Variants in GREB1L observed in about 807,000 individuals in gnomAD.
The protein encoded by GREB1L is GREB1-like protein.
Under a neutral mutation model 200.8 loss-of-function variants are expected in GREB1L, and 17 were observed. The ratio of observed to expected loss-of-function variants is 0.08; its 90% CI spans 0.06 to 0.13. The LOEUF (loss-of-function observed/expected upper bound fraction) is 0.13. Among genes scored for constraint, GREB1L ranks in the 10% least tolerant of loss-of-function variants. The pLI, the probability that GREB1L is intolerant of heterozygous loss-of-function variation, is 1.00. For missense variants in GREB1L, 1,657 were observed against 2,367.7 expected (o/e 0.70, Z 6.23); for synonymous variants, 789 against 893.0 (o/e 0.88, Z 2.08).
chr18:21,271,399 C>T (rs1035434124), intron 1 of GREB1L, among the ~76,000 whole-genome samples: 4 of 151,730 alleles, frequency 2.6e-5, no homozygotes, highest in African/African-American at 9.7e-5. Context: ...GTAATCCCAG[C>T]GCGTTGAGAG....
intron 1 of GREB1L, among the ~76,000 whole-genome samples, chr18:21,336,206 T>G (rs1403234213): frequency 6.6e-6 from 1 of 152,154 alleles, no homozygotes; most frequent in East Asian, 1.9e-4. Flanking sequence ...GAAAAGCCAT[T>G]CCCTGAGTAG....
Position 21,385,768 on chromosome 18 carries a change from G to T in GREB1L, c.355+1365G>T, listed in dbSNP as rs143505628. 3.0e-4 allele frequency among the ~76,000 whole-genome samples: 45 copies of T among 152,294 alleles called. No individual in the cohort carries two copies. The East Asian group carries it at 8.1e-3, about 27-fold the overall frequency. On this transcript the variant is annotated intron_variant, in intron 4 of 32. Coordinates refer to ENST00000424526, the MANE Select transcript of GREB1L (RefSeq NM_001142966.3). ...AAGGTGAAATAGTGCTTAAAACGTT[G>T]TTGGATTCCCATTGAGAATCTTGTT... is the stretch of plus-strand genomic sequence containing the variant.
At chr18:21,313,161 T>TAAAATATTAAAAAATATTAAATATTTTTA (rs2038818109) in intron 1 of GREB1L, among the ~76,000 whole-genome samples, 2 of 151,408 alleles carry the variant, frequency 1.3e-5, no homozygotes, top group African/African-American at 2.4e-5. Flanking sequence ...TAATATTTTT[T>TAAAATATTAAAAAATATTAAATATTTTTA]AAAATATTAA....
chr18:21,280,489 G>A (rs1567920357), intron 1 of GREB1L, among the ~76,000 whole-genome samples: 1 of 151,548 alleles, frequency 6.6e-6, no homozygotes, highest in African/African-American at 2.4e-5. Context: ...TCTAGTTTGG[G>A]CAATTATAAA....
At chr18:21,271,974 G>T (rs1187747601) in intron 1 of GREB1L, among the ~76,000 whole-genome samples, 1 of 152,144 alleles carries the variant, frequency 6.6e-6, no homozygotes, top group Non-Finnish European at 1.5e-5. Flanking sequence ...AACAAAACTG[G>T]AGTCCTGTTA....
intron 1 of GREB1L, among the ~76,000 whole-genome samples, chr18:21,356,768 G>A (rs1422427098): frequency 7.9e-5 from 12 of 152,268 alleles, no homozygotes; most frequent in South Asian, 2.1e-4. Flanking sequence ...TGTAATGGCT[G>A]TACCAATTTA....
intron 31 of GREB1L, 139 bp from the exon 32 acceptor site, chr18:21,520,549 A>C (rs781535450): frequency 1.2e-4 from 106 of 900,998 alleles, no homozygotes; most frequent in Non-Finnish European, 1.7e-4. Context: ...CAAGCCATTT[A>C]AGTTAATATT....
rs2037426548 is a variant in GREB1L, at chr18:21,516,596, T to C, written c.5130-17T>C. On this transcript the variant is annotated splice_polypyrimidine_tract_variant and intron_variant, in intron 29 of 32. Coordinates refer to ENST00000424526, the MANE Select transcript of GREB1L (RefSeq NM_001142966.3). The stretch of plus-strand genomic sequence containing the variant: ...ATATGCCAGCGGAAGAAAACTATTG[T>C]TGTGGTTACAATTTAGGTATTTCTG... 1.3e-6 allele frequency: 2 copies of C among 1,550,408 alleles called. No individual in the cohort carries two copies.
chr18:21,391,958 T>A (rs1385620727), intron 4 of GREB1L, among the ~76,000 whole-genome samples: 1 of 152,130 alleles, frequency 6.6e-6, no homozygotes, highest in Admixed American at 6.5e-5. Flanking sequence ...TACAGGTCCA[T>A]GCCACCACCC....
intron 1 of GREB1L, among the ~76,000 whole-genome samples, chr18:21,252,261 T>C (rs1039404047): frequency 6.6e-6 from 1 of 152,062 alleles, no homozygotes; most frequent in Admixed American, 6.6e-5. Flanking sequence ...AACATTTGTT[T>C]TGAAAGTTAT....
intron 1 of GREB1L, among the ~76,000 whole-genome samples, chr18:21,281,132 G>A (rs1395347938): frequency 2.0e-5 from 3 of 152,236 alleles, no homozygotes; most frequent in African/African-American, 7.2e-5. Flanking sequence ...GGTATCTGGG[G>A]ATTGATCTGA....
chr18:21,490,633 A>C (rs750040303), intron 19 of GREB1L, among the ~76,000 whole-genome samples: 2 of 152,090 alleles, frequency 1.3e-5, no homozygotes, highest in African/African-American at 2.4e-5. Flanking sequence ...CCCCATGTTT[A>C]TTGGCCTTGT....
intron 7 of GREB1L, among the ~76,000 whole-genome samples, chr18:21,411,841 C>A (rs1205436663): frequency 6.6e-6 from 1 of 150,776 alleles, no homozygotes; most frequent in Non-Finnish European, 1.5e-5. Context: ...GTCAGGAGAT[C>A]GAGACCATCC....
intron 2 of GREB1L, among the ~76,000 whole-genome samples, chr18:21,376,306 A>T (rs1478583952): frequency 2.0e-5 from 3 of 151,018 alleles, no homozygotes; most frequent in Non-Finnish European, 4.4e-5. Context: ...TTTAGTAGAG[A>T]CGGGGTTTTG....
chr18:21,508,388 A>C lies in GREB1L; in HGVS notation c.4532A>C (p.Asn1511Thr). 1 of 1,551,510 alleles carries C rather than the reference A, an allele frequency of 6.4e-7. No homozygotes were observed. Among genetic ancestry groups the C allele is most frequent in the Non-Finnish European group, 8.7e-7 (1 of 1,146,890 alleles). ...SMRLPLVSDKNLNAVKSPIFT... is the reference protein window; with the variant it reads ...SMRLPLVSDKTLNAVKSPIFT... ...GTCTGTTTTTTTCCCTTTCAGCAGA[A>C]TTTGAATGCAGTCAAGAGCCCTATT... Residue 1511 changes from asparagine to threonine, a missense_variant and splice_region_variant, in exon 27 of 33, where the codon AAT becomes ACT. By Grantham distance (65) the Asn-to-Thr change is moderately conservative. Transcript: ENST00000424526.
chr18:21,502,480 A>C (rs2036838622), intron 23 of GREB1L, among the ~76,000 whole-genome samples: 1 of 152,156 alleles, frequency 6.6e-6, no homozygotes, highest in Non-Finnish European at 1.5e-5. Context: ...TAAATAGCTG[A>C]ACCTGTTCCA....
At chr18:21,436,410 G>A (rs1253402825) in intron 7 of GREB1L, among the ~76,000 whole-genome samples, 2 of 152,080 alleles carry the variant, frequency 1.3e-5, no homozygotes, top group Non-Finnish European at 2.9e-5. Context: ...AAGGCAGGAG[G>A]ATCATTTGAG....
chr18:21,461,233 A>T (rs1306748118), intron 15 of GREB1L, among the ~76,000 whole-genome samples: 1 of 151,884 alleles, frequency 6.6e-6, no homozygotes, highest in African/African-American at 2.4e-5. Context: ...CCTGACCCAC[A>T]CGCCTCACCC....
chr18:21,467,860 TA>T (rs1316927322), intron 15 of GREB1L, among the ~76,000 whole-genome samples: 15 of 151,884 alleles, frequency 9.9e-5, no homozygotes, highest in Middle Eastern at 3.4e-3. Context: ...CTGTCTCTAC[TA>T]AAAACGCAAA....
Sources: gnomAD v4.1 joint callset for allele counts (sites outside exome capture counted in the v4.1 genomes callset) on GRCh38, gnomAD v4.1.1 for gene constraint, MANE v1.5 for transcripts, NCBI Gene and HGNC (gene_info 2026-07-23, HGNC 2026-07-21) for gene names.